The following MPI variants were observed in gnomAD, a reference collection of about 807,000 sequenced individuals.
MPI encodes the protein mannose-6-phosphate isomerase.
A neutral mutation model predicts 40.1 loss-of-function variants in MPI; 33 were observed. The observed-to-expected ratio is 0.82, with a 90% CI of 0.62 to 1.10. MPI has a LOEUF of 1.10. Among genes scored for constraint, MPI ranks in the 50% least tolerant of loss-of-function variants. The pLI is 0.00. For missense variants in MPI, 514 were observed against 524.1 expected, an observed-to-expected ratio of 0.98 and a Z score of 0.19; for synonymous variants, 187 against 207.4, an observed-to-expected ratio of 0.90 and a Z score of 0.85.
chr15:74,892,826 G>C (rs1246519087), intron 4 of MPI, 24 bp downstream of exon 4: 11 of 1,614,212 alleles, frequency 6.8e-6, no homozygotes, highest in Non-Finnish European at 8.5e-6. Flanking sequence ...AATGCTGAAG[G>C]CATGCGTACT....
At chr15:74,896,379 C>T in intron 6 of MPI, 54 bp downstream of exon 6, 1 of 1,603,248 alleles carries the variant, frequency 6.2e-7, no homozygotes, top group Non-Finnish European at 8.5e-7. Context: ...GGCCCTGTTT[C>T]CCTATCTGGA....
Position 74,890,551 on chromosome 15 carries a change from A to C in MPI, c.41A>C (p.Gln14Pro), listed in dbSNP as rs150404817. Reference protein sequence around the residue: ...PRVFPLSCAVQQYAWGKMGSN... With the variant: ...PRVFPLSCAVPQYAWGKMGSN... ...GTATTCCCACTTTCCTGTGCGGTGC[A>C]GCAGTATGCCTGGGGGAAGATGGGT... The change falls in exon 2 of 8, where the codon CAG (glutamine) becomes CCG (proline). Residue 14 changes from glutamine to proline, a missense_variant. By Grantham distance (76) the Gln-to-Pro change is moderately conservative (BLOSUM62 -1). Transcript: ENST00000352410. 47 of 1,614,176 alleles carry C rather than the reference A, an allele frequency of 2.9e-5. No individual in the cohort carries two copies. The highest frequency in any genetic ancestry group is 3.9e-5 in the Non-Finnish European group (46 of 1,180,036).
At position 74,898,437 on chromosome 15, in the gene MPI, G is replaced by C. The variant is rs2064855744; in HGVS notation, c.*707G>C. The stretch of plus-strand genomic sequence containing the variant: ...CCTCACAGGCACAGCTTGCAAGCAG[G>C]CCTTGGGTCTGCCCAGAGGCACAGC... On this transcript the variant is annotated 3_prime_UTR_variant, in exon 8 of 8. Coordinates refer to ENST00000352410, the MANE Select transcript of MPI (RefSeq NM_002435.3). The C allele has an allele frequency of 6.0e-6, 1 of 165,982 alleles. No individual in the cohort carries two copies. Among genetic ancestry groups the C allele is most frequent in the African/African-American group, 2.4e-5 (1 of 41,638 alleles). The allele number at this position is 165,982 out of a possible 1,614,324, so 10.3% of individuals were successfully genotyped here.
intron 5 of MPI, chr15:74,895,330 C>T (rs2064802771): frequency 6.6e-6 from 1 of 151,468 alleles, no homozygotes; most frequent in Non-Finnish European, 1.5e-5. Context: ...CGGTGGCTCA[C>T]ACCTGTATTC....
Position 74,896,626 on chromosome 15 carries a change from C to G in MPI, c.844+301C>G, listed in dbSNP as rs951465585. On this transcript the variant is annotated intron_variant, in intron 6 of 7. Coordinates refer to ENST00000352410, the MANE Select transcript of MPI (RefSeq NM_002435.3). ...GCTATATTGGATCAAAGCTGTTGTT[C>G]TGTCACAGCCTTTGTATGTCTGTCC... 4.9e-6 allele frequency: 3 copies of G among 613,860 alleles called. No individual in the cohort carries two copies. In the African/African-American group the frequency reaches 5.5e-5, roughly 11 times the overall value. 38.0% of individuals were successfully genotyped at this position (613,860 alleles called of 1,614,324 possible).
At chr15:74,894,962 A>G (rs1455697689) in intron 5 of MPI, among the ~76,000 whole-genome samples, 1 of 151,026 alleles carries the variant, frequency 6.6e-6, no homozygotes, top group Non-Finnish European at 1.5e-5. Context: ...TCTCTGAGAC[A>G]TAGAACTTTC....
chr15:74,897,798 C>A lies in MPI; in HGVS notation c.*68C>A. The stretch of plus-strand genomic sequence containing the variant: ...TTCCAGCCAACCTCACCTCCTCGGG[C>A]CCAGCTCAAGCCCCCTTCCTTGCTC... On this transcript the variant is annotated 3_prime_UTR_variant, in exon 8 of 8. Transcript: ENST00000352410. 2 of 1,475,878 alleles carry A rather than the reference C, an allele frequency of 1.4e-6. No homozygotes were observed. The highest frequency in any genetic ancestry group is 1.9e-6 in the Non-Finnish European group (2 of 1,060,224). 91.4% of individuals were successfully genotyped at this position (1,475,878 alleles called of 1,614,324 possible). A position where few individuals can be genotyped will look rare whatever the true frequency, so the allele number is the denominator to read the frequency against.
chr15:74,897,421 C>A, intron 7 of MPI, 91 bp from the exon 8 acceptor site: 3 of 1,387,622 alleles, frequency 2.2e-6, no homozygotes, highest in Non-Finnish European at 3.0e-6. Flanking sequence ...GGTGGCAGAG[C>A]TCTCCCTCGT....
Position 74,893,300 on chromosome 15 carries a change from T to G in MPI, c.650T>G (p.Val217Gly). The change falls in exon 5 of 8, where the codon GTG (valine) becomes GGG (glycine). Residue 217 changes from valine (V) to glycine (G), a missense_variant. Coordinates refer to ENST00000352410, the MANE Select transcript of MPI (RefSeq NM_002435.3). ...KVVVEQLNLLVKRISQQAAAG... is the reference protein window; with the variant it reads ...KVVVEQLNLLGKRISQQAAAG... ...GTGGTGGAACAGCTCAACCTGTTGG[T>G]GAAGCGGATCTCCCAGCAAGGTGGA... The G allele has an allele frequency of 1.2e-6, 2 of 1,614,198 alleles. No homozygotes were observed. The highest frequency in any genetic ancestry group is 1.1e-5 in the South Asian group (1 of 91,090).
chr15:74,890,771 T>C, intron 2 of MPI, 117 bp downstream of exon 2: 3 of 1,438,456 alleles, frequency 2.1e-6, no homozygotes, highest in South Asian at 1.1e-5. Flanking sequence ...GAGACCCACT[T>C]GGCTCTTCAG....
Position 74,897,858 on chromosome 15 carries a change from T to G in MPI, c.*128T>G, listed in dbSNP as rs1196327001. On this transcript the variant is annotated 3_prime_UTR_variant, in exon 8 of 8. Coordinates refer to ENST00000352410, the MANE Select transcript of MPI (RefSeq NM_002435.3). ...TAGGTATACCCTGGAAGAGCTGGGG[T>G]GGGGGAGGAGGGAGCGTGAAGGTAG... is the stretch of plus-strand genomic sequence containing the variant. 1.6e-5 allele frequency: 15 copies of G among 930,888 alleles called. No homozygotes were observed. Among genetic ancestry groups the G allele is most frequent in the South Asian group, 2.8e-5 (2 of 71,862 alleles). The allele number at this position is 930,888 out of a possible 1,614,324, so 57.7% of individuals were successfully genotyped here. A position where few individuals can be genotyped will look rare whatever the true frequency, so the allele number is the denominator to read the frequency against.
rs2064747002 is a variant in MPI, at chr15:74,892,814, A to G, written c.487+12A>G. On this transcript the variant is annotated intron_variant, in intron 4 of 7. Coordinates refer to ENST00000352410, the MANE Select transcript of MPI (RefSeq NM_002435.3). Reference sequence around the variant, plus strand: ...AACCTTTCTAAAGAGTAAGTTGGGCAGAATGCTGAAGGCATGCGTACTGGG... The same window carrying G: ...AACCTTTCTAAAGAGTAAGTTGGGCGGAATGCTGAAGGCATGCGTACTGGG... 3.7e-6 allele frequency: 6 copies of G among 1,614,270 alleles called. No homozygotes were observed. Among genetic ancestry groups the G allele is most frequent in the Non-Finnish European group, 5.1e-6 (6 of 1,180,042 alleles).
chr15:74,893,414 C>T, intron 5 of MPI, 94 bp downstream of exon 5: 1 of 1,415,634 alleles, frequency 7.1e-7, no homozygotes, highest in Non-Finnish European at 9.9e-7. Flanking sequence ...ACCCCCTTGC[C>T]CAAGTGGAAC....
Position 74,892,732 on chromosome 15 carries a change from C to T in MPI, c.417C>T (p.Ala139=), listed in dbSNP as rs768144839. The T allele has an allele frequency of 6.2e-7, 1 of 1,614,266 alleles. No homozygotes were observed. Residue 139 remains alanine, a synonymous_variant, in exon 4 of 8, where the codon GCC becomes GCT. Coordinates refer to ENST00000352410, the MANE Select transcript of MPI (RefSeq NM_002435.3). ...ATGCCAACCACAAGCCAGAGATGGC[C>T]ATTGCCCTCACCCCCTTCCAGGGCT... ...YPDANHKPEM[A]IALTPFQGLC... is the part of the protein sequence containing the mutation.
Position 74,898,085 on chromosome 15 carries a change from C to T in MPI, c.*355C>T, listed in dbSNP as rs1268435309. 1 of 381,848 alleles carries T rather than the reference C, an allele frequency of 2.6e-6. No individual in the cohort carries two copies. Among genetic ancestry groups the T allele is most frequent in the Non-Finnish European group, 5.1e-6 (1 of 197,562 alleles). The allele number at this position is 381,848 out of a possible 1,614,324, so 23.7% of individuals were successfully genotyped here. A position where few individuals can be genotyped will look rare whatever the true frequency, so the allele number is the denominator to read the frequency against. On this transcript the variant is annotated 3_prime_UTR_variant, in exon 8 of 8. Transcript: ENST00000352410. ...CTCAGCATCTGTCAGAGCAAGAGAC[C>T]AGGTAATTTCTAAGAACAGGGTTCT...
rs544846000 is a variant in MPI, at chr15:74,891,716, A to G, written c.345+137A>G. On this transcript the variant is annotated intron_variant, in intron 3 of 7. Transcript: ENST00000352410. ...GCCAAATCCAGGCTGACAACTCCCA[A>G]TTTAGCTCTGCAAAGCCAGATGGTA... 8.1e-5 allele frequency: 75 copies of G among 921,570 alleles called. No individual in the cohort carries two copies. The South Asian group carries it at 9.0e-4, about 11-fold the overall frequency. 57.1% of individuals were successfully genotyped at this position (921,570 alleles called of 1,614,324 possible). A position where few individuals can be genotyped will look rare whatever the true frequency, so the allele number is the denominator to read the frequency against.
rs1335334615 is a variant in MPI, at chr15:74,899,740, C to T, written c.*2010C>T. The T allele has an allele frequency of 1.3e-5, 2 of 152,230 alleles. No homozygotes were observed. The highest frequency in any genetic ancestry group is 2.9e-5 in the Non-Finnish European group (2 of 68,072). 9.4% of individuals were successfully genotyped at this position (152,230 alleles called of 1,614,324 possible). A position where few individuals can be genotyped will look rare whatever the true frequency, so the allele number is the denominator to read the frequency against. Reference sequence around the variant, plus strand: ...CTGGGTTCAAGCGATTCTTCTGCCTCAGCTCCTGAGTAGCTGGGACTACAG... The same window carrying T: ...CTGGGTTCAAGCGATTCTTCTGCCTTAGCTCCTGAGTAGCTGGGACTACAG... On this transcript the variant is annotated 3_prime_UTR_variant, in exon 8 of 8. Coordinates refer to ENST00000352410, the MANE Select transcript of MPI (RefSeq NM_002435.3).
Position 74,898,224 on chromosome 15 carries a change from T to C in MPI, c.*494T>C, listed in dbSNP as rs1226893933. The C allele has an allele frequency of 3.9e-6, 1 of 259,530 alleles. No homozygotes were observed. The highest frequency in any genetic ancestry group is 4.8e-5 in the Admixed American group (1 of 21,024). 16.1% of individuals were successfully genotyped at this position (259,530 alleles called of 1,614,324 possible). A position where few individuals can be genotyped will look rare whatever the true frequency, so the allele number is the denominator to read the frequency against. The stretch of plus-strand genomic sequence containing the variant: ...TCAAAGCAATTAAAGATCACTTGTG[T>C]TGAGGCTGTGGGGTAATGAGCACTC... On this transcript the variant is annotated 3_prime_UTR_variant, in exon 8 of 8. Transcript: ENST00000352410.
intron 7 of MPI, 145 bp downstream of exon 7, chr15:74,897,364 A>T: frequency 2.3e-6 from 3 of 1,287,952 alleles, no homozygotes; most frequent in Non-Finnish European, 2.2e-6. Context: ...TCCTTCCTGT[A>T]CCAGGGACCA....
Sources: gnomAD v4.1 joint callset for allele counts (sites outside exome capture counted in the v4.1 genomes callset) on GRCh38, gnomAD v4.1.1 for gene constraint, MANE v1.5 for transcripts, NCBI Gene and HGNC (gene_info 2026-07-23, HGNC 2026-07-21) for gene names.